The following ADGRG5 variants were observed in gnomAD, a reference collection of about 807,000 sequenced individuals.
ADGRG5 encodes G protein-coupled receptor 114.
In ADGRG5, 37 loss-of-function variants were observed where a neutral mutation model predicts 53.2. The observed-to-expected ratio is 0.70, with a 90% confidence interval of 0.53 to 0.91. The LOEUF (loss-of-function observed/expected upper bound fraction) is 0.91. Among genes scored for constraint, ADGRG5 ranks in the 40% least tolerant of loss-of-function variants. ADGRG5 has a pLI of 0.00. For synonymous variants in ADGRG5, 277 were observed against 290.4 expected (o/e 0.95, Z 0.47); for missense variants, 614 against 675.8 (o/e 0.91, Z 1.01).
intron 10 of ADGRG5, among the ~76,000 whole-genome samples, chr16:57,573,550 C>T (rs1224281603): frequency 9.9e-5 from 15 of 152,060 alleles, no homozygotes; most frequent in African/African-American, 3.6e-4. Flanking sequence ...GCCTCAAGAG[C>T]CCTATTACAG....
At chr16:57,555,135 T>C (rs956702075) in intron 1 of ADGRG5, among the ~76,000 whole-genome samples, 1 of 152,186 alleles carries the variant, frequency 6.6e-6, no homozygotes, top group Admixed American at 6.5e-5. Flanking sequence ...GAAAAGAATA[T>C]GTATTTTGCG....
At chr16:57,549,847 A>C (rs769830408) in intron 1 of ADGRG5, among the ~76,000 whole-genome samples, 2 of 152,214 alleles carry the variant, frequency 1.3e-5, no homozygotes, top group African/African-American at 4.8e-5. Flanking sequence ...CTATATCCTC[A>C]TAATACTTTG....
chr16:57,557,637 G>C (rs1161478478), intron 1 of ADGRG5, among the ~76,000 whole-genome samples: 2 of 151,908 alleles, frequency 1.3e-5, no homozygotes, highest in African/African-American at 4.8e-5. Context: ...ACAGTTCTTG[G>C]GTAATCTGTT....
chr16:57,573,319 A>G (rs1161002854), intron 10 of ADGRG5, among the ~76,000 whole-genome samples: 3 of 151,776 alleles, frequency 2.0e-5, no homozygotes, highest in Non-Finnish European at 4.4e-5. Context: ...CTGTAGTTCC[A>G]GCTACTCAGG....
At position 57,552,659 on chromosome 16, in the gene ADGRG5, C is replaced by T. The variant is rs564097512; in HGVS notation, c.-38-9397C>T. Among the ~76,000 whole-genome samples the T allele has an allele frequency of 3.8e-4, 58 of 152,322 alleles. 1 individual carries two copies. Among genetic ancestry groups the T allele is most frequent in the African/African-American group, 1.3e-3 (56 of 41,582 alleles). On this transcript the variant is annotated intron_variant, in intron 1 of 11. Transcript: ENST00000349457. ...CAGATCACTGAAGCTTTCTCCATAT[C>T]AGCAATAAGGTTGTTTTGCTTCATG...
At chr16:57,573,428 CAAAA>C (rs35195501) in intron 10 of ADGRG5, among the ~76,000 whole-genome samples, 3 of 76,600 alleles carry the variant, frequency 3.9e-5, no homozygotes. Context: ...GACTCCCTCT[CAAAA>C]AAAAAAAAAA....
At chr16:57,570,575 G>A (rs2033325196) in intron 10 of ADGRG5, 40 bp downstream of exon 10, 2 of 1,417,692 alleles carry the variant, frequency 1.4e-6, no homozygotes, top group Admixed American at 3.4e-5. Context: ...CCTGGCTCTG[G>A]CAGAAGGGCC....
intron 9 of ADGRG5, 71 bp downstream of exon 9, chr16:57,568,195 T>TGGTGCGA: frequency 6.7e-7 from 1 of 1,489,524 alleles, no homozygotes. Context: ...TTTAGTCCTT[T>TGGTGCGA]CTTTCCCCTC....
At chr16:57,532,665 T>C in the ADGRG5 span, among the ~76,000 whole-genome samples, 2 of 150,982 alleles carry the variant, frequency 1.3e-5, no homozygotes, top group Admixed American at 1.3e-4. Flanking sequence ...TACAAGGACA[T>C]GCAAGGAGAC....
At chr16:57,544,238 G>A (rs569309771) in intron 1 of ADGRG5, among the ~76,000 whole-genome samples, 29 of 152,262 alleles carry the variant, frequency 1.9e-4, no homozygotes, top group African/African-American at 6.7e-4. Context: ...CGCAGTATTC[G>A]GTTTCCCCAC....
intron 10 of ADGRG5, among the ~76,000 whole-genome samples, chr16:57,572,769 A>C (rs2033397748): frequency 6.6e-6 from 1 of 152,262 alleles, no homozygotes; most frequent in African/African-American, 2.4e-5. Context: ...AATGGACTGC[A>C]GTAGAGCTGC....
the ADGRG5 span, chr16:57,536,489 C>T: frequency 6.6e-6 from 1 of 152,546 alleles, no homozygotes; most frequent in Non-Finnish European, 1.5e-5. Context: ...CGGCCTGCCG[C>T]CCCCGCTCAC....
At chr16:57,570,007 A>ATCACCACCTCCT (rs2033301887) in intron 9 of ADGRG5, among the ~76,000 whole-genome samples, 1 of 79,332 alleles carries the variant, frequency 1.3e-5, no homozygotes, top group African/African-American at 6.2e-5. Context: ...CTTCACCACC[A>ATCACCACCTCCT]TCACCACCTA....
chr16:57,538,656 C>A (rs905445510), upstream of ADGRG5, among the ~76,000 whole-genome samples: 4 of 152,192 alleles, frequency 2.6e-5, no homozygotes, highest in Non-Finnish European at 5.9e-5. Context: ...CTGGCGTCAA[C>A]CTCCCCAGTG....
chr16:57,565,170 C>T lies in ADGRG5; in HGVS notation c.546+20C>T, dbSNP rs780789919. 30 of 1,442,236 alleles carry T rather than the reference C, an allele frequency of 2.1e-5. No individual in the cohort carries two copies. The highest frequency in any genetic ancestry group is 8.0e-5 in the South Asian group (7 of 87,440). The allele number at this position is 1,442,236 out of a possible 1,614,324, so 89.3% of individuals were successfully genotyped here. ...AGCCTGGTACTGCTGGGGGCGCCCCCGTTTCCACTGCACCCCTGCCCCTCT... is the reference window on the plus strand; with the variant it reads ...AGCCTGGTACTGCTGGGGGCGCCCCTGTTTCCACTGCACCCCTGCCCCTCT... On this transcript the variant is annotated intron_variant, in intron 6 of 11. Coordinates refer to ENST00000349457, the MANE Select transcript of ADGRG5 (RefSeq NM_001304376.3).
chr16:57,568,078 C>T lies in ADGRG5; in HGVS notation c.1044C>T (p.Asn348=), dbSNP rs774453733. 1.1e-5 allele frequency: 17 copies of T among 1,613,924 alleles called. No homozygotes were observed. The highest frequency in any genetic ancestry group is 1.4e-5 in the Non-Finnish European group (17 of 1,179,950). Residue 348 remains asparagine, a synonymous_variant, in exon 9 of 12, where the codon AAC becomes AAT. Coordinates refer to ENST00000349457, the MANE Select transcript of ADGRG5 (RefSeq NM_001304376.3). ...ACCTCCTCCTCGGGCGTGTCTACAA[C>T]ATCTACATCCGCAGATATGTGTTCA... ...NLYLLLGRVY[N]IYIRRYVFKL...
chr16:57,539,527 T>C (rs1235582665), upstream of ADGRG5, among the ~76,000 whole-genome samples: 3 of 148,732 alleles, frequency 2.0e-5, no homozygotes, highest in Admixed American at 6.8e-5. Flanking sequence ...AACACAACTC[T>C]CTGCAGCCTC....
chr16:57,541,423 A>C (rs1208430636), upstream of ADGRG5, among the ~76,000 whole-genome samples: 1 of 152,182 alleles, frequency 6.6e-6, no homozygotes, highest in Non-Finnish European at 1.5e-5. Flanking sequence ...AGGCTTGCCC[A>C]AGTCACCCAG....
At chr16:57,568,685 C>CCACCTCCAT (rs1275217287) in intron 9 of ADGRG5, among the ~76,000 whole-genome samples, 1 of 151,234 alleles carries the variant, frequency 6.6e-6, no homozygotes, top group African/African-American at 2.4e-5. Context: ...ACCACCTCCT[C>CCACCTCCAT]CACCTCCATC....
Sources: gnomAD v4.1 joint callset for allele counts (sites outside exome capture counted in the v4.1 genomes callset) on GRCh38, gnomAD v4.1.1 for gene constraint, MANE v1.5 for transcripts, NCBI Gene and HGNC (gene_info 2026-07-23, HGNC 2026-07-21) for gene names.